RHOH: variants seen among roughly 807,000 people sequenced by gnomAD.
The protein encoded by RHOH is rho-related GTP-binding protein RhoH.
RHOH carries 6 observed loss-of-function variants against 13.8 expected under a neutral mutation model. The ratio of observed to expected loss-of-function variants is 0.44; its 90% CI spans 0.24 to 0.86. The LOEUF (loss-of-function observed/expected upper bound fraction) is 0.86, where lower values mean the gene tolerates loss of function less well. Among genes scored for constraint, RHOH ranks in the 40% least tolerant of loss-of-function variants. The probability of loss-of-function intolerance (pLI) is 0.24; values close to 1 mark genes in which losing one functional copy is unlikely to be tolerated. For missense variants in RHOH, 147 were observed against 244.5 expected, an observed-to-expected ratio of 0.60 and a Z score of 2.66; for synonymous variants, 117 against 103.0, an observed-to-expected ratio of 1.14 and a Z score of -0.82.
At chr4:40,192,489 A>G (rs1178580693), upstream of RHOH, among the ~76,000 whole-genome samples, 1 of 152,232 alleles carries the variant, frequency 6.6e-6, no homozygotes, top group African/African-American at 2.4e-5. Context: ...ATTGTCATTA[A>G]GAGTTTTCGC....
At chr4:40,224,523 G>A (rs1259186258) in intron 1 of RHOH, among the ~76,000 whole-genome samples, 1 of 152,234 alleles carries the variant, frequency 6.6e-6, no homozygotes, top group Non-Finnish European at 1.5e-5. Context: ...AGGAAGTAAG[G>A]GGGTATATCA....
intron 1 of RHOH, among the ~76,000 whole-genome samples, chr4:40,200,981 C>T (rs943145950): frequency 2.0e-5 from 3 of 152,224 alleles, no homozygotes; most frequent in African/African-American, 7.2e-5. Context: ...TCTCTGCACT[C>T]AGTTTCTCGT....
intron 1 of RHOH, among the ~76,000 whole-genome samples, chr4:40,242,480 A>G (rs959507097): frequency 2.0e-5 from 3 of 152,220 alleles, no homozygotes; most frequent in African/African-American, 7.2e-5. Flanking sequence ...AGCCATGTGT[A>G]GGTGACAGTG....
At chr4:40,232,271 C>A (rs1728035928) in intron 1 of RHOH, among the ~76,000 whole-genome samples, 1 of 152,138 alleles carries the variant, frequency 6.6e-6, no homozygotes, top group Non-Finnish European at 1.5e-5. Flanking sequence ...GTTGCCCAGG[C>A]TGGAGTGCAG....
chr4:40,235,563 C>A (rs1288457949), intron 1 of RHOH, among the ~76,000 whole-genome samples: 3 of 123,024 alleles, frequency 2.4e-5, no homozygotes, highest in Non-Finnish European at 4.8e-5. Context: ...GCATTCCAGC[C>A]TGGGCAAAAA....
At chr4:40,238,489 A>G (rs1424015836) in intron 1 of RHOH, among the ~76,000 whole-genome samples, 2 of 152,136 alleles carry the variant, frequency 1.3e-5, no homozygotes, top group East Asian at 1.9e-4. Context: ...ACTTGTGTCT[A>G]TCTTGGTCTC....
intron 1 of RHOH, among the ~76,000 whole-genome samples, chr4:40,241,138 G>T (rs981580212): frequency 4.6e-5 from 7 of 152,196 alleles, no homozygotes; most frequent in Non-Finnish European, 7.3e-5. Flanking sequence ...GAAGCCTATG[G>T]AGCCCTCAAG....
intron 1 of RHOH, among the ~76,000 whole-genome samples, chr4:40,221,176 T>G (rs1160105427): frequency 6.6e-6 from 1 of 152,190 alleles, no homozygotes; most frequent in Non-Finnish European, 1.5e-5. Flanking sequence ...GATTTACCCA[T>G]CATTGCAGAG....
rs1357718553 is a variant in RHOH, at chr4:40,244,520, T to C, written c.*558T>C. 1 of 209,094 alleles carries C rather than the reference T, an allele frequency of 4.8e-6. No homozygotes were observed. The highest frequency in any genetic ancestry group is 6.1e-5 in the Admixed American group (1 of 16,426). The allele number at this position is 209,094 out of a possible 1,614,324, so 13.0% of individuals were successfully genotyped here. A position where few individuals can be genotyped will look rare whatever the true frequency, so the allele number is the denominator to read the frequency against. On this transcript the variant is annotated 3_prime_UTR_variant, in exon 3 of 3. Coordinates refer to ENST00000381799, the MANE Select transcript of RHOH (RefSeq NM_004310.5). ...AAATTTAAAAATGACCATAAATGAA[T>C]CTTTGCAATTTGTTTTCTACTTACC...
intron 1 of RHOH, among the ~76,000 whole-genome samples, chr4:40,214,390 C>G (rs1725643546): frequency 6.6e-6 from 1 of 152,104 alleles, no homozygotes; most frequent in Non-Finnish European, 1.5e-5. Flanking sequence ...CTGGGGTGGG[C>G]TCTTTTGTAT....
intron 1 of RHOH, among the ~76,000 whole-genome samples, chr4:40,215,701 G>A (rs1054765984): frequency 3.3e-5 from 5 of 152,164 alleles, no homozygotes; most frequent in African/African-American, 1.2e-4. Context: ...GGCCAAGGCG[G>A]GTGGATCACT....
At chr4:40,225,636 G>C (rs1727134687) in intron 1 of RHOH, among the ~76,000 whole-genome samples, 1 of 152,206 alleles carries the variant, frequency 6.6e-6, no homozygotes, top group Non-Finnish European at 1.5e-5. Flanking sequence ...GTGTGTGAGA[G>C]TGTCTGACTG....
intron 1 of RHOH, among the ~76,000 whole-genome samples, chr4:40,242,216 C>T (rs978034279): frequency 2.0e-5 from 3 of 152,198 alleles, no homozygotes; most frequent in African/African-American, 7.2e-5. Context: ...TTTATTTGGC[C>T]TTTAATGAAA....
At chr4:40,232,408 A>T (rs6831853) in intron 1 of RHOH, among the ~76,000 whole-genome samples, 1 of 150,418 alleles carries the variant, frequency 6.6e-6, no homozygotes. Context: ...TTTTTTTAGT[A>T]TAGACTTGGT....
chr4:40,210,606 T>C (rs1579256436), intron 1 of RHOH, among the ~76,000 whole-genome samples: 1 of 151,664 alleles, frequency 6.6e-6, no homozygotes, highest in African/African-American at 2.4e-5. Flanking sequence ...ATAGACTTAT[T>C]ATTAACAATT....
intron 1 of RHOH, among the ~76,000 whole-genome samples, chr4:40,207,185 A>T (rs1724748493): frequency 6.6e-6 from 1 of 151,818 alleles, no homozygotes; most frequent in South Asian, 2.1e-4. Context: ...CGGCCCAGAC[A>T]ACAGACTGAG....
chr4:40,231,132 C>T (rs1466343022), intron 1 of RHOH, among the ~76,000 whole-genome samples: 2 of 152,166 alleles, frequency 1.3e-5, no homozygotes, highest in African/African-American at 4.8e-5. Context: ...CCACTCTAGA[C>T]ATTTTCACAG....
chr4:40,203,638 C>T (rs1724300915), intron 1 of RHOH, among the ~76,000 whole-genome samples: 1 of 151,948 alleles, frequency 6.6e-6, no homozygotes, highest in African/African-American at 2.4e-5. Flanking sequence ...GGAATGAAAA[C>T]AGAGAAAGCC....
chr4:40,203,929 A>T (rs775685330), intron 1 of RHOH, among the ~76,000 whole-genome samples: 1 of 152,192 alleles, frequency 6.6e-6, no homozygotes, highest in African/African-American at 2.4e-5. Context: ...AGTGCTACGG[A>T]CAGAAAACAC....
Sources: gnomAD v4.1 joint callset for allele counts (sites outside exome capture counted in the v4.1 genomes callset) on GRCh38, gnomAD v4.1.1 for gene constraint, MANE v1.5 for transcripts, NCBI Gene and HGNC (gene_info 2026-07-23, HGNC 2026-07-21) for gene names.